Variants in HMCN1 observed in about 807,000 individuals in gnomAD.
HMCN1 encodes hemicentin-1.
Under a neutral mutation model 625.9 loss-of-function variants are expected in HMCN1, and 321 were observed. The ratio of observed to expected loss-of-function variants is 0.51; its 90% CI spans 0.47 to 0.56. The LOEUF (loss-of-function observed/expected upper bound fraction) is 0.56, where lower values mean the gene tolerates loss of function less well. HMCN1 is among the 20% of genes least tolerant of loss of function. The pLI, the probability that HMCN1 is intolerant of heterozygous loss-of-function variation, is 0.00. For missense variants in HMCN1, 6,588 were observed against 6,887.3 expected, an observed-to-expected ratio of 0.96 and a Z score of 1.54; for synonymous variants, 2,425 against 2,417.6, an observed-to-expected ratio of 1.00 and a Z score of -0.09.
chr1:185,744,395 C>T (rs574126874), intron 1 of HMCN1, among the ~76,000 whole-genome samples: 9 of 152,232 alleles, frequency 5.9e-5, no homozygotes, highest in African/African-American at 1.9e-4. Flanking sequence ...CTTTGAGAAG[C>T]ATGTATGCTT....
At chr1:186,114,614 T>C (rs749103580) in intron 73 of HMCN1, among the ~76,000 whole-genome samples, 10 of 152,198 alleles carry the variant, frequency 6.6e-5, no homozygotes, top group Non-Finnish European at 1.2e-4. Context: ...ATAATGATTA[T>C]AATCCATTAA....
chr1:185,740,540 C>A (rs1020368079), intron 1 of HMCN1, among the ~76,000 whole-genome samples: 1 of 152,086 alleles, frequency 6.6e-6, no homozygotes, highest in Non-Finnish European at 1.5e-5. Context: ...AAATTTGATA[C>A]CCAATGTGTC....
chr1:185,752,884 G>T (rs1373451570), intron 1 of HMCN1, among the ~76,000 whole-genome samples: 1 of 151,992 alleles, frequency 6.6e-6, no homozygotes, highest in East Asian at 1.9e-4. Flanking sequence ...CTACAAGAAA[G>T]AAAAATTATA....
rs1649687424 is a variant in HMCN1, at chr1:186,137,634, G to A, written c.13719G>A (p.Leu4573=). The part of the protein sequence containing the change: ...NGGKPCQGSD[L]EMRNCQNKPC... ...GGAAGCCCTGCCAAGGTTCAGATTT[G>A]GAAATGCGAAACTGTCAAAATAAGC... The change falls in exon 88 of 107, where the codon TTG becomes TTA. Residue 4573 remains leucine (L), a synonymous_variant. Transcript: ENST00000271588. The A allele has an allele frequency of 1.2e-6, 2 of 1,613,974 alleles. No homozygotes were observed. The highest frequency in any genetic ancestry group is 2.2e-5 in the East Asian group (1 of 44,884).
chr1:185,906,276 T>C (rs1298291258), intron 4 of HMCN1, among the ~76,000 whole-genome samples: 1 of 151,806 alleles, frequency 6.6e-6, no homozygotes, highest in Non-Finnish European at 1.5e-5. Flanking sequence ...AATTTGATTT[T>C]TCTTATAAGT....
chr1:185,986,164 G>C (rs2383270), intron 19 of HMCN1, among the ~76,000 whole-genome samples: 4,464 of 152,130 alleles, frequency 0.029, 224 homozygotes, highest in African/African-American at 0.1. Flanking sequence ...GGATTTGCTG[G>C]CAATTCTTTA....
rs564781668 is a variant in HMCN1 at position 185,764,771 on chromosome 1, T to A, written c.268+29724T>A. On this transcript the variant is annotated intron_variant, in intron 1 of 106. Transcript: ENST00000271588. Reference sequence around the variant, plus strand: ...CTCAAGAGTATATTTGAATAAAGTCTATATGAAATAGTAATTTGATATAAA... The same window carrying A: ...CTCAAGAGTATATTTGAATAAAGTCAATATGAAATAGTAATTTGATATAAA... Among the ~76,000 whole-genome samples the A allele has an allele frequency of 6.6e-5, 10 of 152,316 alleles. 1 individual carries two copies. The South Asian group carries it at 2.1e-3, about 32-fold the overall frequency.
intron 42 of HMCN1, among the ~76,000 whole-genome samples, chr1:186,051,836 A>G (rs1046214667): frequency 6.6e-6 from 1 of 152,042 alleles, no homozygotes; most frequent in African/African-American, 2.4e-5. Flanking sequence ...AGTTAAGTCA[A>G]TGGGAATTGA....
chr1:186,124,342 C>T (rs1661543417), intron 81 of HMCN1, among the ~76,000 whole-genome samples: 1 of 151,908 alleles, frequency 6.6e-6, no homozygotes, highest in Non-Finnish European at 1.5e-5. Context: ...CATGACATAT[C>T]AAAATGTACA....
chr1:185,806,520 C>T (rs1453016884), intron 1 of HMCN1, among the ~76,000 whole-genome samples: 1 of 144,736 alleles, frequency 6.9e-6, no homozygotes, highest in African/African-American at 2.6e-5. Flanking sequence ...TCGCTGTAGC[C>T]TGGGCAACAG....
chr1:186,187,664 T>C (rs1653424760), intron 105 of HMCN1, among the ~76,000 whole-genome samples: 1 of 152,190 alleles, frequency 6.6e-6, no homozygotes, highest in South Asian at 2.1e-4. Flanking sequence ...TTTATGTCCT[T>C]TCACATAAAG....
At chr1:186,150,536 T>G (rs775910284) in intron 93 of HMCN1, among the ~76,000 whole-genome samples, 1 of 152,190 alleles carries the variant, frequency 6.6e-6, no homozygotes, top group Non-Finnish European at 1.5e-5. Flanking sequence ...ATTTGTAATA[T>G]GAAGAACTTG....
chr1:185,961,722 T>G (rs546562153), intron 11 of HMCN1, among the ~76,000 whole-genome samples: 22 of 152,350 alleles, frequency 1.4e-4, no homozygotes, highest in African/African-American at 5.3e-4. Context: ...TGTTTTCTTT[T>G]TGATGATAAA....
chr1:186,018,480 G>C, intron 34 of HMCN1, 128 bp downstream of exon 34: 4 of 987,834 alleles, frequency 4.0e-6, no homozygotes, highest in Middle Eastern at 2.2e-4. Context: ...TAAAGGATGT[G>C]AATTTCAGTT....
intron 10 of HMCN1, 57 bp from the exon 11 acceptor site, chr1:185,933,492 G>C: frequency 6.3e-7 from 1 of 1,582,246 alleles, no homozygotes; most frequent in Non-Finnish European, 8.7e-7. Flanking sequence ...AACCACATCT[G>C]TAAGTGAGCA....
intron 13 of HMCN1, among the ~76,000 whole-genome samples, chr1:185,965,531 C>T (rs142013348): frequency 4.3e-4 from 65 of 151,960 alleles, no homozygotes; most frequent in African/African-American, 1.4e-3. Flanking sequence ...AAAGAACTTT[C>T]GATTAGTTTC....
intron 97 of HMCN1, among the ~76,000 whole-genome samples, chr1:186,160,992 C>T (rs1007109818): frequency 1.3e-5 from 2 of 151,976 alleles, no homozygotes; most frequent in African/African-American, 4.8e-5. Flanking sequence ...CTTTCTGTCT[C>T]GTTGATCTGT....
intron 28 of HMCN1, among the ~76,000 whole-genome samples, chr1:186,003,001 A>G (rs965770311): frequency 1.3e-5 from 2 of 152,118 alleles, no homozygotes; most frequent in African/African-American, 4.8e-5. Flanking sequence ...TAATAGCCTA[A>G]GGGCTCACCT....
intron 4 of HMCN1, among the ~76,000 whole-genome samples, chr1:185,902,834 T>A (rs1665892491): frequency 6.6e-6 from 1 of 151,670 alleles, no homozygotes; most frequent in Admixed American, 6.6e-5. Flanking sequence ...CATATGAATG[T>A]ATGTATCTAT....
Sources: gnomAD v4.1 joint callset for allele counts (sites outside exome capture counted in the v4.1 genomes callset) on GRCh38, gnomAD v4.1.1 for gene constraint, MANE v1.5 for transcripts, NCBI Gene and HGNC (gene_info 2026-07-23, HGNC 2026-07-21) for gene names.